TLE3: variants seen among roughly 807,000 people sequenced by gnomAD.
TLE3 encodes the protein transducin-like enhancer protein 3.
A neutral mutation model predicts 93.0 loss-of-function variants in TLE3; 14 were observed. That is an observed-to-expected ratio of 0.15 (90% CI 0.10 to 0.24). TLE3 has a LOEUF of 0.24. Among genes scored for constraint, TLE3 ranks in the 10% least tolerant of loss-of-function variants. TLE3 has a pLI of 1.00. For missense variants in TLE3, 693 were observed against 1,046.6 expected (o/e 0.66, Z 4.66); for synonymous variants, 451 against 425.0 (o/e 1.06, Z -0.75).
chr15:70,064,904 TAA>T lies in TLE3; in HGVS notation c.578-436_578-435del, dbSNP rs36022217. Among the ~76,000 whole-genome samples, 845 of 137,878 alleles carry T rather than the reference TAA, an allele frequency of 6.1e-3. 5 individuals carry two copies. The highest frequency in any genetic ancestry group is 0.016 in the African/African-American group (598 of 37,436). The allele number at this position is 137,878 out of a possible 152,430, so 90.5% of individuals were successfully genotyped here. On this transcript the variant is annotated intron_variant, in intron 7 of 19. Transcript: ENST00000451782. Reference sequence around the variant, plus strand: ...ACCTGGGAGTTAAGAACTTTATTGTTAAAAAAAAAAAAAAAAAAAGGAATTTA... The same window carrying T: ...ACCTGGGAGTTAAGAACTTTATTGTTAAAAAAAAAAAAAAAAAGGAATTTA...
rs3833024 is a variant in TLE3, at chr15:70,053,604, T to TGG, written c.1827-232_1827-231dup. On this transcript the variant is annotated intron_variant, in intron 16 of 19. Transcript: ENST00000451782. ...GCCCAGGGACAAGTCCCCTGGGAAA[T>TGG]GGGGGGGGGAGGTGAAAAAGGGACC... The TGG allele has an allele frequency of 2.6e-4, 96 of 372,982 alleles. No homozygotes were observed. The East Asian group carries it at 4.6e-3, about 18-fold the overall frequency. The allele number at this position is 372,982 out of a possible 1,614,324, so 23.1% of individuals were successfully genotyped here. A position where few individuals can be genotyped will look rare whatever the true frequency, so the allele number is the denominator to read the frequency against.
intron 8 of TLE3, among the ~76,000 whole-genome samples, chr15:70,063,304 C>G (rs1333118064): frequency 6.6e-6 from 1 of 152,216 alleles, no homozygotes; most frequent in African/African-American, 2.4e-5. Flanking sequence ...CGAAAAAATG[C>G]CACTGTTAGA....
At position 70,049,081 on chromosome 15, in the gene TLE3, T is replaced by C. The variant is rs1407817236; in HGVS notation, c.*1016A>G. 1 of 152,066 alleles carries C rather than the reference T, an allele frequency of 6.6e-6. No individual in the cohort carries two copies. The highest frequency in any genetic ancestry group is 2.1e-4 in the South Asian group (1 of 4,818). The allele number at this position is 152,066 out of a possible 1,614,324, so 9.4% of individuals were successfully genotyped here. A position where few individuals can be genotyped will look rare whatever the true frequency, so the allele number is the denominator to read the frequency against. On this transcript the variant is annotated 3_prime_UTR_variant, in exon 20 of 20. Transcript: ENST00000451782. ...TGAGCTGAGTTGCTATGCTGTCTTC[T>C]AACTTTTTGTCCTTTTTAGGCTGTG...
At position 70,097,450 on chromosome 15, in the gene TLE3, C is replaced by CGCT. The variant is rs1359812809; in HGVS notation, c.-655_-653dup. ...AGCCTGCTGTTCCGTCTGCTACTGC[C>CGCT]GCTGCCGCCGCCGCCGCCGCCGCTG... On this transcript the variant is annotated 5_prime_UTR_variant, in exon 1 of 20. Transcript: ENST00000451782. 1.4e-5 allele frequency: 6 copies of CGCT among 417,344 alleles called. No homozygotes were observed. Among genetic ancestry groups the CGCT allele is most frequent in the Non-Finnish European group, 2.1e-5 (5 of 238,258 alleles). The allele number at this position is 417,344 out of a possible 1,614,324, so 25.9% of individuals were successfully genotyped here. A position where few individuals can be genotyped will look rare whatever the true frequency, so the allele number is the denominator to read the frequency against.
chr15:70,076,179 C>T (rs769853269), intron 4 of TLE3, 21 bp from the exon 5 acceptor site: 2 of 1,612,772 alleles, frequency 1.2e-6, no homozygotes, highest in Non-Finnish European at 1.7e-6. Context: ...AAGGAGACCA[C>T]ATGAAGCTCA....
At chr15:70,095,727 T>G in intron 2 of TLE3, 86 bp from the exon 3 acceptor site, 1 of 1,476,174 alleles carries the variant, frequency 6.8e-7, no homozygotes, top group Non-Finnish European at 9.1e-7. Context: ...AGAGCCACTT[T>G]TCCACTTTCC....
chr15:70,060,946 A>G (rs1427261713), intron 8 of TLE3, among the ~76,000 whole-genome samples: 1 of 152,188 alleles, frequency 6.6e-6, no homozygotes, highest in East Asian at 1.9e-4. Context: ...GGCCTGTGGG[A>G]CTACGCTCTG....
At chr15:70,057,368 G>A (rs1371909004) in intron 13 of TLE3, 91 bp downstream of exon 13, 5 of 1,435,264 alleles carry the variant, frequency 3.5e-6, no homozygotes, top group Non-Finnish European at 4.7e-6. Context: ...GACCCTGAGG[G>A]GCCCCTTTAG....
In TLE3 at chr15:70,097,796, GCACGCACA is replaced by G. The variant is rs2058632469; in HGVS notation, c.-1006_-999del. 1 of 356,864 alleles carries G rather than the reference GCACGCACA, an allele frequency of 2.8e-6. No individual in the cohort carries two copies. Among genetic ancestry groups the G allele is most frequent in the African/African-American group, 2.6e-5 (1 of 38,696 alleles). The allele number at this position is 356,864 out of a possible 1,614,324, so 22.1% of individuals were successfully genotyped here. On this transcript the variant is annotated 5_prime_UTR_variant, in exon 1 of 20. Coordinates refer to ENST00000451782, the MANE Select transcript of TLE3 (RefSeq NM_001105192.3). ...ACACACCCAACACACACACACGCGC[GCACGCACA>G]CACACACACACCAAAAAAAAAAGTG...
intron 17 of TLE3, chr15:70,052,995 G>A: frequency 3.8e-6 from 2 of 523,042 alleles, no homozygotes; most frequent in East Asian, 3.1e-5. Context: ...AATAGCAGCA[G>A]AGAATGAATC....
chr15:70,076,515 G>A (rs959367849), intron 4 of TLE3, among the ~76,000 whole-genome samples: 1 of 152,176 alleles, frequency 6.6e-6, no homozygotes, highest in Non-Finnish European at 1.5e-5. Context: ...CACTGTAAGA[G>A]TGAAACACAG....
rs1016331339 is a variant in TLE3 at position 70,048,000 on chromosome 15, C to G, written c.*2097G>C. On this transcript the variant is annotated 3_prime_UTR_variant, in exon 20 of 20. Transcript: ENST00000451782. ...GTATGGGATTGTGAAATCCCTGCTG[C>G]GATGCTGGGTATCTGGAAGGGGAGA... 1 of 152,140 alleles carries G rather than the reference C, an allele frequency of 6.6e-6. No homozygotes were observed. The highest frequency in any genetic ancestry group is 2.4e-5 in the African/African-American group (1 of 41,364). The allele number at this position is 152,140 out of a possible 1,614,324, so 9.4% of individuals were successfully genotyped here.
At chr15:70,062,353 G>C (rs535764033) in intron 8 of TLE3, among the ~76,000 whole-genome samples, 1 of 152,126 alleles carries the variant, frequency 6.6e-6, no homozygotes, top group Non-Finnish European at 1.5e-5. Flanking sequence ...CCAGCCCCTC[G>C]CACTGGCTGC....
In TLE3 at chr15:70,097,205, T is replaced by G; in HGVS notation, c.-407A>C. 1 of 406,218 alleles carries G rather than the reference T, an allele frequency of 2.5e-6. No individual in the cohort carries two copies. The highest frequency in any genetic ancestry group is 4.3e-6 in the Non-Finnish European group (1 of 232,728). 25.2% of individuals were successfully genotyped at this position (406,218 alleles called of 1,614,324 possible). The stretch of plus-strand genomic sequence containing the variant: ...CCTCCTGGGGCGAGCTCGGGCCCCC[T>G]CCGGGTCACTCAGCGGGTCGCGCCT... On this transcript the variant is annotated 5_prime_UTR_variant, in exon 1 of 20. Coordinates refer to ENST00000451782, the MANE Select transcript of TLE3 (RefSeq NM_001105192.3).
chr15:70,054,012 C>T, intron 16 of TLE3: 1 of 166,784 alleles, frequency 6.0e-6, no homozygotes, highest in South Asian at 1.7e-4. Flanking sequence ...AACTGAGCCG[C>T]AGGGGTTCAG....
intron 8 of TLE3, among the ~76,000 whole-genome samples, chr15:70,061,124 G>A (rs1052875762): frequency 6.6e-6 from 1 of 152,186 alleles, no homozygotes; most frequent in Non-Finnish European, 1.5e-5. Context: ...GACAGGAATG[G>A]GGAGATTGAT....
Position 70,081,355 on chromosome 15 carries a change from C to T in TLE3, c.235-5197G>A, listed in dbSNP as rs546650827. 8.5e-5 allele frequency among the ~76,000 whole-genome samples: 13 copies of T among 152,346 alleles called. No individual in the cohort carries two copies. In the East Asian group the frequency reaches 1.9e-3, roughly 23 times the overall value. On this transcript the variant is annotated intron_variant, in intron 4 of 19. Coordinates refer to ENST00000451782, the MANE Select transcript of TLE3 (RefSeq NM_001105192.3). ...AAAGACCAGCAGAGAAGAGCCAAGC[C>T]ACCTTGAGATGTGGATGGATGCTGG...
At chr15:70,055,944 A>T in intron 14 of TLE3, 2 of 401,506 alleles carry the variant, frequency 5.0e-6, no homozygotes, top group Non-Finnish European at 9.3e-6. Flanking sequence ...GACCAGCGGC[A>T]CTGGGGCCTT....
intron 12 of TLE3, 117 bp from the exon 13 acceptor site, chr15:70,057,775 C>G: frequency 1.5e-6 from 2 of 1,317,510 alleles, no homozygotes; most frequent in South Asian, 2.8e-5. Flanking sequence ...AGGCAGTCCT[C>G]TCAGACTGAA....
Sources: allele counts gnomAD v4.1 joint callset (sites outside exome capture counted in the v4.1 genomes callset), GRCh38; gene constraint gnomAD v4.1.1; transcripts MANE v1.5; gene names NCBI Gene and HGNC (gene_info 2026-07-23, HGNC 2026-07-21).